The following SEMA4F variants were observed in gnomAD, a reference collection of about 807,000 sequenced individuals.
SEMA4F encodes ssemaphorin 4F, also known as semaphorin-4F.
Under a neutral mutation model 78.4 loss-of-function variants are expected in SEMA4F, and 51 were observed. That is an observed-to-expected ratio of 0.65 (90% CI 0.52 to 0.82). SEMA4F has a LOEUF of 0.82. Ranked by LOEUF, SEMA4F falls within the 40% of genes least tolerant of loss-of-function variation. The pLI is 0.00. For synonymous variants in SEMA4F, 418 were observed against 408.7 expected (o/e 1.02, Z -0.27); for missense variants, 938 against 1,014.4 (o/e 0.92, Z 1.02).
At chr2:74,696,364 T>G in the SEMA4F span, among the ~76,000 whole-genome samples, 1 of 151,896 alleles carries the variant, frequency 6.6e-6, no homozygotes, top group Non-Finnish European at 1.5e-5. Flanking sequence ...CCCAGCTAAT[T>G]TTTTTGCACT....
the SEMA4F span, among the ~76,000 whole-genome samples, chr2:74,694,905 T>C: frequency 0.034 from 5,217 of 152,300 alleles, 267 homozygotes; most frequent in African/African-American, 0.11. Context: ...CTGGATGTGC[T>C]GCAGTTTATT....
rs183751621 is a variant in SEMA4F at position 74,680,469 on chromosome 2, G to A, written c.*260G>A. Reference sequence around the variant, plus strand: ...GCTTCCCCCTAACATCTGAACTCCTGTAAACCTTCATCCCTGGCCCCCTAT... The same window carrying A: ...GCTTCCCCCTAACATCTGAACTCCTATAAACCTTCATCCCTGGCCCCCTAT... On this transcript the variant is annotated 3_prime_UTR_variant, in exon 14 of 14. Coordinates refer to ENST00000357877, the MANE Select transcript of SEMA4F (RefSeq NM_004263.5). The A allele has an allele frequency of 1.3e-5, 5 of 399,858 alleles. No homozygotes were observed. The highest frequency in any genetic ancestry group is 1.2e-4 in the East Asian group (3 of 24,428). The allele number at this position is 399,858 out of a possible 1,614,324, so 24.8% of individuals were successfully genotyped here.
chr2:74,676,594 AG>A (rs1685293749), intron 12 of SEMA4F, among the ~76,000 whole-genome samples: 1 of 152,178 alleles, frequency 6.6e-6, no homozygotes, highest in African/African-American at 2.4e-5. Context: ...CCATGCATCC[AG>A]TTGCTCAAGC....
chr2:74,658,942 C>T lies in SEMA4F; in HGVS notation c.456+991C>T, dbSNP rs552072215. On this transcript the variant is annotated intron_variant, in intron 4 of 13. Transcript: ENST00000357877. The surrounding 1 kb of genome is among the most constrained non-coding windows in gnomAD (Gnocchi z 4.3). ...CAAGTCAGTGTGTATCTCTAAACCC[C>T]TCTTTGTTACATACCACCCTCATAT... 3.9e-5 allele frequency among the ~76,000 whole-genome samples: 6 copies of T among 152,322 alleles called. No individual in the cohort carries two copies. The highest frequency in any genetic ancestry group is 1.4e-4 in the African/African-American group (6 of 41,574).
the SEMA4F span, among the ~76,000 whole-genome samples, chr2:74,699,278 A>T: frequency 6.6e-6 from 1 of 151,904 alleles, no homozygotes; most frequent in African/African-American, 2.4e-5. Flanking sequence ...TCCTCATGTC[A>T]CCCCTTGGGG....
the SEMA4F span, among the ~76,000 whole-genome samples, chr2:74,695,805 A>T: frequency 9.6e-4 from 147 of 152,362 alleles, 1 homozygote; most frequent in African/African-American, 3.4e-3. Context: ...GATGCTGGGA[A>T]TTCTCCCGAA....
downstream of SEMA4F, among the ~76,000 whole-genome samples, chr2:74,687,775 C>T (rs79925912): frequency 2.3e-4 from 35 of 152,232 alleles, no homozygotes; most frequent in Non-Finnish European, 4.6e-4. Flanking sequence ...TCTCCTAGAC[C>T]TCAAATGACC....
rs1376021168 is a variant in SEMA4F at position 74,654,410 on chromosome 2, C to T, written c.34C>T (p.Pro12Ser). The change falls in exon 1 of 14, where the codon CCC (proline) becomes TCC (serine). Residue 12 changes from proline to serine, a missense_variant. Transcript: ENST00000357877. ...CTCTGCTGCGCGGCCCCGCCCGGGT[C>T]CCGGGCAGCCTACAGCCTCGCCCTT... Reference protein sequence around the residue: ...PASAARPRPGPGQPTASPFPL... With the variant: ...PASAARPRPGSGQPTASPFPL... 1.0e-5 allele frequency: 16 copies of T among 1,538,704 alleles called. No individual in the cohort carries two copies. Among genetic ancestry groups the T allele is most frequent in the Middle Eastern group, 2.2e-4 (1 of 4,554 alleles).
chr2:74,664,183 A>G (rs1684571294), intron 5 of SEMA4F, among the ~76,000 whole-genome samples: 1 of 152,234 alleles, frequency 6.6e-6, no homozygotes, highest in African/African-American at 2.4e-5. Context: ...AAGCAGGTTA[A>G]TGGAAATTTT....
Position 74,679,306 on chromosome 2 carries a change from C to T in SEMA4F, c.1674C>T (p.Val558=), listed in dbSNP as rs1159833947. ...TCCAAGACATAGAGTCAGCAGATGT[C>T]TCCTCTTTGTGTCCTAAAGAGCCTG... ...GLVQDIESAD[V]SSLCPKEPGE... Residue 558 remains valine, a synonymous_variant, in exon 13 of 14, where the codon GTC becomes GTT. Coordinates refer to ENST00000357877, the MANE Select transcript of SEMA4F (RefSeq NM_004263.5). The T allele has an allele frequency of 2.5e-6, 4 of 1,613,410 alleles. No individual in the cohort carries two copies. Among genetic ancestry groups the T allele is most frequent in the Non-Finnish European group, 2.5e-6 (3 of 1,179,372 alleles).
the SEMA4F span, among the ~76,000 whole-genome samples, chr2:74,690,156 G>A: frequency 2.0e-4 from 30 of 152,198 alleles, no homozygotes; most frequent in Admixed American, 9.8e-4. Flanking sequence ...ATTCTCCCCC[G>A]CAGCAAAGAG....
chr2:74,656,815 T>A, intron 2 of SEMA4F, 130 bp downstream of exon 2: 1 of 859,118 alleles, frequency 1.2e-6, no homozygotes, highest in Non-Finnish European at 1.8e-6. Context: ...GGGGGTGAGT[T>A]GGGAGACATG....
At chr2:74,670,793 TG>T (rs775245385) in intron 5 of SEMA4F, among the ~76,000 whole-genome samples, 9 of 152,226 alleles carry the variant, frequency 5.9e-5, no homozygotes, top group Non-Finnish European at 1.0e-4. Flanking sequence ...TTGGCTCATT[TG>T]CTGCTCCATT....
At chr2:74,691,013 G>A in the SEMA4F span, among the ~76,000 whole-genome samples, 1 of 152,178 alleles carries the variant, frequency 6.6e-6, no homozygotes, top group South Asian at 2.1e-4. Flanking sequence ...AGATTTTCGT[G>A]GTCATCCAAA....
the SEMA4F span, among the ~76,000 whole-genome samples, chr2:74,708,700 G>A: frequency 3.9e-5 from 6 of 152,138 alleles, no homozygotes; most frequent in Non-Finnish European, 7.4e-5. Flanking sequence ...CAAGAACCAG[G>A]AAAATCTCAA....
At chr2:74,686,541 G>A (rs565697583), downstream of SEMA4F, among the ~76,000 whole-genome samples, 11 of 152,174 alleles carry the variant, frequency 7.2e-5, no homozygotes, top group Admixed American at 3.9e-4. Flanking sequence ...TATACCCAAA[G>A]GATTATAAAT....
the SEMA4F span, among the ~76,000 whole-genome samples, chr2:74,704,606 G>C: frequency 6.6e-6 from 1 of 151,944 alleles, no homozygotes; most frequent in Non-Finnish European, 1.5e-5. Context: ...ACCAATTGGA[G>C]ATGAGGAAAA....
At chr2:74,661,449 G>C (rs1684420384) in intron 4 of SEMA4F, among the ~76,000 whole-genome samples, 2 of 152,164 alleles carry the variant, frequency 1.3e-5, no homozygotes, top group African/African-American at 4.8e-5. Flanking sequence ...TGTGGAGAAA[G>C]GAGTTTACTG....
chr2:74,679,891 C>T lies in SEMA4F; in HGVS notation c.1995C>T (p.Gly665=). 2.5e-6 allele frequency: 4 copies of T among 1,613,912 alleles called. No homozygotes were observed. In the South Asian group the frequency reaches 4.4e-5, roughly 18 times the overall value. The change falls in exon 14 of 14, where the codon GGC becomes GGT. Residue 665 remains glycine (G), a synonymous_variant. Transcript: ENST00000357877. The part of the protein sequence containing the change: ...RAHTVGAGLA[G]FFLGILAASL... ...ACACAGTGGGGGCGGGACTGGCTGG[C>T]TTCTTCTTGGGGATTCTCGCAGCAT...
Sources: allele counts gnomAD v4.1 joint callset (sites outside exome capture counted in the v4.1 genomes callset), GRCh38; gene constraint gnomAD v4.1.1; non-coding constraint Gnocchi (gnomAD v3.1); transcripts MANE v1.5; gene names NCBI Gene and HGNC (gene_info 2026-07-23, HGNC 2026-07-21).